PAQR8: variants seen among roughly 807,000 people sequenced by gnomAD.
The protein encoded by PAQR8 is membrane progestin receptor beta.
In PAQR8, 17 loss-of-function variants were observed where a neutral mutation model predicts 25.2. That is an observed-to-expected ratio of 0.67 (90% CI 0.46 to 1.01). PAQR8 has a LOEUF of 1.01. PAQR8 is among the 50% of genes least tolerant of loss of function. The probability of loss-of-function intolerance (pLI) is 0.00; values close to 1 mark genes in which losing one functional copy is unlikely to be tolerated. For missense variants in PAQR8, 392 were observed against 448.4 expected, an observed-to-expected ratio of 0.87 and a Z score of 1.14; for synonymous variants, 204 against 190.6, an observed-to-expected ratio of 1.07 and a Z score of -0.58.
At position 52,404,271 on chromosome 6, in the gene PAQR8, A is replaced by T. The variant is rs1353162675; in HGVS notation, c.1058A>T (p.Asp353Val). 2 of 1,586,600 alleles carry T rather than the reference A, an allele frequency of 1.3e-6. No individual in the cohort carries two copies. The highest frequency in any genetic ancestry group is 8.6e-7 in the Non-Finnish European group (1 of 1,159,556). ...GTCAAGGCCAGACTGACCAAGAAAG[A>T]TTCCTGAGGCTGGCAAGTGGGGCAA... ...HKVKARLTKK[D>V]S Residue 353 changes from aspartate to valine, a missense_variant, in exon 2 of 2, where the codon GAT (aspartate) becomes GTT (valine). By Grantham distance (152) the Asp-to-Val change is radical (BLOSUM62 -3). Transcript: ENST00000442253.
Position 52,405,012 on chromosome 6 carries a change from A to G in PAQR8, c.*734A>G, listed in dbSNP as rs1763891470. On this transcript the variant is annotated 3_prime_UTR_variant, in exon 2 of 2. Transcript: ENST00000442253. ...GCTTATTCTCATATAATACTAATCT[A>G]AACAGTACTAGAAATTACAGTGCCA... 6.0e-6 allele frequency: 1 copy of G among 167,232 alleles called. No homozygotes were observed. The highest frequency in any genetic ancestry group is 1.5e-5 in the Non-Finnish European group (1 of 68,136). 10.4% of individuals were successfully genotyped at this position (167,232 alleles called of 1,614,324 possible).
At chr6:52,378,651 C>T (rs1374689834) in intron 1 of PAQR8, among the ~76,000 whole-genome samples, 6 of 151,814 alleles carry the variant, frequency 4.0e-5, no homozygotes, top group Non-Finnish European at 7.4e-5. Flanking sequence ...ATTAGCTGGG[C>T]GTGGTGGTGT....
Position 52,403,638 on chromosome 6 carries a change from C to T in PAQR8, c.425C>T (p.Thr142Ile), listed in dbSNP as rs577242607. ...TCCAAGTCAGAGCTCTCCCACTACA[C>T]CTTCTACTTTGTGGACTATGTTGGC... Reference protein sequence around the residue: ...LQSKSELSHYTFYFVDYVGVS... With the variant: ...LQSKSELSHYIFYFVDYVGVS... The change falls in exon 2 of 2, where the codon ACC becomes ATC. Residue 142 changes from threonine (T) to isoleucine (I), a missense_variant. Coordinates refer to ENST00000442253, the MANE Select transcript of PAQR8 (RefSeq NM_133367.5). The T allele has an allele frequency of 3.7e-6, 6 of 1,614,052 alleles. No homozygotes were observed. Among genetic ancestry groups the T allele is most frequent in the Non-Finnish European group, 5.1e-6 (6 of 1,180,054 alleles).
chr6:52,395,723 T>C (rs1228974980), intron 1 of PAQR8, among the ~76,000 whole-genome samples: 1 of 148,748 alleles, frequency 6.7e-6, no homozygotes, highest in Admixed American at 6.6e-5. Context: ...GAAATATTAC[T>C]AGGACTTTAT....
intron 1 of PAQR8, among the ~76,000 whole-genome samples, chr6:52,378,925 C>T (rs1440821238): frequency 6.6e-6 from 1 of 151,090 alleles, no homozygotes; most frequent in African/African-American, 2.4e-5. Context: ...GGTGAAACCC[C>T]TTCTCTACTA....
intron 1 of PAQR8, among the ~76,000 whole-genome samples, chr6:52,383,660 C>CAAAAAA (rs57004196): frequency 1.6e-5 from 2 of 128,076 alleles, no homozygotes. Flanking sequence ...GAGTCCGTCT[C>CAAAAAA]AAAAAAAAAA....
At chr6:52,396,989 C>T (rs1038649662) in intron 1 of PAQR8, among the ~76,000 whole-genome samples, 1 of 152,010 alleles carries the variant, frequency 6.6e-6, no homozygotes, top group African/African-American at 2.4e-5. Context: ...GTCTGAGAGG[C>T]ACTGTGGATG....
At chr6:52,389,347 C>G (rs906416272) in intron 1 of PAQR8, among the ~76,000 whole-genome samples, 2 of 152,204 alleles carry the variant, frequency 1.3e-5, no homozygotes, top group African/African-American at 4.8e-5. Context: ...CATCTTTCCT[C>G]TGACTGTTTG....
chr6:52,403,080 G>T (rs897927405), intron 1 of PAQR8, 82 bp from the exon 2 acceptor site: 30 of 764,998 alleles, frequency 3.9e-5, no homozygotes, highest in Non-Finnish European at 4.9e-5. Context: ...CAAAAGAAAA[G>T]AAAATAGCCA....
rs191108193 is a variant in PAQR8 at position 52,364,501 on chromosome 6, A to G, written c.-53+2252A>G. The stretch of plus-strand genomic sequence containing the variant: ...CCAGTATTTATACATTCAAATCAGT[A>G]TTTCTCCCCTTCAAAAGCCTGCTCT... On this transcript the variant is annotated intron_variant, in intron 1 of 1. Coordinates refer to ENST00000442253, the MANE Select transcript of PAQR8 (RefSeq NM_133367.5). Among the ~76,000 whole-genome samples the G allele has an allele frequency of 7.2e-4, 109 of 152,288 alleles. 1 individual carries two copies. The highest frequency in any genetic ancestry group is 2.4e-3 in the African/African-American group (101 of 41,554).
At chr6:52,402,617 C>CAAAAAAAA (rs5876274) in intron 1 of PAQR8, among the ~76,000 whole-genome samples, 15 of 115,834 alleles carry the variant, frequency 1.3e-4, no homozygotes, top group African/African-American at 2.1e-4. Flanking sequence ...AACTCTGTCT[C>CAAAAAAAA]AAAAAAAAAA....
At chr6:52,401,714 G>A (rs1254524445) in intron 1 of PAQR8, among the ~76,000 whole-genome samples, 1 of 152,128 alleles carries the variant, frequency 6.6e-6, no homozygotes, top group South Asian at 2.1e-4. Flanking sequence ...CCTAACTGAC[G>A]AGTCAATTTG....
rs553493895 is a variant in PAQR8 at position 52,395,615 on chromosome 6, G to C, written c.-52-7547G>C. ...TACAAAACAAATAATATTCCTTTTT[G>C]ATTTTAAAAAATTGCATTAAAATCA... On this transcript the variant is annotated intron_variant, in intron 1 of 1. Transcript: ENST00000442253. Among the ~76,000 whole-genome samples, 89 of 152,150 alleles carry C rather than the reference G, an allele frequency of 5.8e-4. 1 individual carries two copies. Among genetic ancestry groups the C allele is most frequent in the African/African-American group, 2.0e-3 (85 of 41,534 alleles).
At chr6:52,396,529 A>G (rs1763769414) in intron 1 of PAQR8, among the ~76,000 whole-genome samples, 1 of 152,204 alleles carries the variant, frequency 6.6e-6, no homozygotes, top group Non-Finnish European at 1.5e-5. Context: ...AAGAATTTTG[A>G]GGAGGGAATG....
intron 1 of PAQR8, among the ~76,000 whole-genome samples, chr6:52,365,146 G>T (rs566212855): frequency 1.3e-5 from 2 of 151,356 alleles, no homozygotes; most frequent in East Asian, 3.9e-4. Context: ...AAAAAAAAAA[G>T]GTACCCAGAA....
intron 1 of PAQR8, among the ~76,000 whole-genome samples, chr6:52,368,355 T>C (rs569686038): frequency 6.6e-6 from 1 of 152,200 alleles, no homozygotes; most frequent in Non-Finnish European, 1.5e-5. Flanking sequence ...AGAATATTGA[T>C]GCCCTAGCCC....
chr6:52,376,190 T>A (rs1273537238), intron 1 of PAQR8, among the ~76,000 whole-genome samples: 1 of 152,086 alleles, frequency 6.6e-6, no homozygotes, highest in Non-Finnish European at 1.5e-5. Context: ...CTTGGTGAGG[T>A]TTTAAGTGTT....
chr6:52,388,375 C>T (rs112419534), intron 1 of PAQR8, among the ~76,000 whole-genome samples: 16 of 144,514 alleles, frequency 1.1e-4, no homozygotes, highest in African/African-American at 4.2e-4. Flanking sequence ...GACCCTGTGT[C>T]AGGAAAAAAA....
intron 1 of PAQR8, among the ~76,000 whole-genome samples, chr6:52,382,890 G>A (rs1228434018): frequency 1.3e-5 from 2 of 152,110 alleles, no homozygotes; most frequent in African/African-American, 4.8e-5. Flanking sequence ...AATCTCCCAG[G>A]AGCAAGCAGT....
Sources: allele counts gnomAD v4.1 joint callset (sites outside exome capture counted in the v4.1 genomes callset), GRCh38; gene constraint gnomAD v4.1.1; transcripts MANE v1.5; gene names NCBI Gene and HGNC (gene_info 2026-07-23, HGNC 2026-07-21).